The following TMTC1 variants were observed in gnomAD, a reference collection of about 807,000 sequenced individuals.
The protein encoded by TMTC1 is protein O-mannosyl-transferase TMTC1.
Under a neutral mutation model 104.8 loss-of-function variants are expected in TMTC1, and 73 were observed. That is an observed-to-expected ratio of 0.70 (90% confidence interval 0.58 to 0.85). The LOEUF (loss-of-function observed/expected upper bound fraction) is 0.85. Ranked by LOEUF, TMTC1 falls within the 40% of genes least tolerant of loss-of-function variation. The pLI is 0.00. For synonymous variants in TMTC1, 434 were observed against 428.7 expected, an observed-to-expected ratio of 1.01 and a Z score of -0.15; for missense variants, 1,035 against 1,096.1, an observed-to-expected ratio of 0.94 and a Z score of 0.79.
At chr12:29,715,001 T>C (rs1310455415) in intron 5 of TMTC1, among the ~76,000 whole-genome samples, 1 of 152,232 alleles carries the variant, frequency 6.6e-6, no homozygotes, top group East Asian at 1.9e-4. Context: ...ATAGTACTTT[T>C]TACCCATACT....
intron 5 of TMTC1, among the ~76,000 whole-genome samples, chr12:29,652,802 C>T (rs1162408842): frequency 6.6e-6 from 1 of 152,170 alleles, no homozygotes; most frequent in African/African-American, 2.4e-5. Flanking sequence ...TGGCTCACGC[C>T]TGAAATTCCA....
chr12:29,777,144 G>C (rs866113164), intron 1 of TMTC1, among the ~76,000 whole-genome samples: 2 of 152,124 alleles, frequency 1.3e-5, no homozygotes, highest in East Asian at 3.9e-4. Context: ...TGCCAGGCTG[G>C]AGTGCGGTGG....
At chr12:29,611,184 T>TTTTC (rs367993509) in intron 6 of TMTC1, among the ~76,000 whole-genome samples, 3 of 150,900 alleles carry the variant, frequency 2.0e-5, no homozygotes, top group Non-Finnish European at 4.4e-5. Context: ...CTTCTTTTTT[T>TTTTC]TTTTTTTTTT....
chr12:29,694,997 T>C (rs1941376418), intron 5 of TMTC1, among the ~76,000 whole-genome samples: 1 of 152,158 alleles, frequency 6.6e-6, no homozygotes, highest in South Asian at 2.1e-4. Context: ...TCTCAGATTT[T>C]TGGAGACCAG....
Position 29,751,861 on chromosome 12 carries a change from G to T in TMTC1, c.743C>A (p.Ala248Asp). 4 of 1,571,314 alleles carry T rather than the reference G, an allele frequency of 2.5e-6. No individual in the cohort carries two copies. Among genetic ancestry groups the T allele is most frequent in the Non-Finnish European group, 3.5e-6 (4 of 1,158,444 alleles). ...CTGCTGTGGGCTGCGTGGACAGAGG[G>T]CCCCATTGCTCCTGTTGTGCATGGA... ...SNKQDKSSNG[A>D]LCPRSPQQPG... Residue 248 changes from alanine to aspartate, a missense_variant, in exon 5 of 18, where the codon GCC becomes GAC. Coordinates refer to ENST00000539277, the MANE Select transcript of TMTC1 (RefSeq NM_001193451.2).
intron 8 of TMTC1, among the ~76,000 whole-genome samples, chr12:29,581,345 T>C (rs1037578503): frequency 6.6e-6 from 1 of 152,200 alleles, no homozygotes; most frequent in Non-Finnish European, 1.5e-5. Flanking sequence ...CATAGATAAA[T>C]GATAATAGGC....
At chr12:29,523,900 T>C (rs969687050) in intron 11 of TMTC1, among the ~76,000 whole-genome samples, 6 of 152,142 alleles carry the variant, frequency 3.9e-5, no homozygotes, top group Non-Finnish European at 8.8e-5. Flanking sequence ...TGCTGGGGCC[T>C]ATTGTATGAA....
intron 12 of TMTC1, among the ~76,000 whole-genome samples, chr12:29,518,911 G>C (rs11050265): frequency 0.09 from 13,743 of 152,056 alleles, 1,642 homozygotes; most frequent in African/African-American, 0.28. Flanking sequence ...CTTGCTAATA[G>C]GATGCCTTCA....
chr12:29,543,256 A>G (rs1358165813), intron 10 of TMTC1, among the ~76,000 whole-genome samples: 2 of 152,194 alleles, frequency 1.3e-5, no homozygotes, highest in African/African-American at 4.8e-5. Context: ...GCTCCATGTC[A>G]GTGACAGATA....
chr12:29,782,058 A>G (rs1943846485), intron 1 of TMTC1, among the ~76,000 whole-genome samples: 1 of 152,142 alleles, frequency 6.6e-6, no homozygotes, highest in African/African-American at 2.4e-5. Flanking sequence ...TTAACCAACA[A>G]CCCTGACTGT....
intron 5 of TMTC1, among the ~76,000 whole-genome samples, chr12:29,717,339 A>G (rs1460514556): frequency 6.6e-6 from 1 of 152,196 alleles, no homozygotes; most frequent in Non-Finnish European, 1.5e-5. Flanking sequence ...GCCCTGGACT[A>G]TAAGAAAGAG....
intron 7 of TMTC1, among the ~76,000 whole-genome samples, chr12:29,585,443 A>C (rs1234295663): frequency 1.3e-5 from 2 of 152,120 alleles, no homozygotes; most frequent in African/African-American, 2.4e-5. Context: ...TCTTTAGTTT[A>C]ATTAGAACCC....
At chr12:29,730,147 T>G (rs1376351006) in intron 5 of TMTC1, among the ~76,000 whole-genome samples, 2 of 152,192 alleles carry the variant, frequency 1.3e-5, no homozygotes, top group Non-Finnish European at 2.9e-5. Flanking sequence ...CATTTTCATT[T>G]AACAAACTCA....
chr12:29,751,865 C>T lies in TMTC1; in HGVS notation c.739G>A (p.Gly247Arg), dbSNP rs760851740. ...TGTGGGCTGCGTGGACAGAGGGCCC[C>T]ATTGCTCCTGTTGTGCATGGAATTG... ...LSNKQDKSSN[G>R]ALCPRSPQQP... The change falls in exon 5 of 18, where the codon GGG becomes AGG. Residue 247 changes from glycine (G) to arginine (R), a missense_variant. Gly to Arg is a moderately radical substitution (Grantham distance 125). Coordinates refer to ENST00000539277, the MANE Select transcript of TMTC1 (RefSeq NM_001193451.2). The T allele has an allele frequency of 6.4e-7, 1 of 1,567,250 alleles. No homozygotes were observed. Among genetic ancestry groups the T allele is most frequent in the Non-Finnish European group, 8.6e-7 (1 of 1,156,336 alleles).
intron 5 of TMTC1, among the ~76,000 whole-genome samples, chr12:29,694,247 G>C (rs1257127065): frequency 6.6e-6 from 1 of 152,078 alleles, no homozygotes; most frequent in Non-Finnish European, 1.5e-5. Flanking sequence ...TCAATGATTT[G>C]CATCATTAAC....
Position 29,568,926 on chromosome 12 carries a change from G to A in TMTC1, c.1532+3179C>T, listed in dbSNP as rs578057079. 217 of 456,018 alleles carry A rather than the reference G, an allele frequency of 4.8e-4. 2 individuals are homozygous for A. The Admixed American group carries it at 4.9e-3, about 10-fold the overall frequency. The allele number at this position is 456,018 out of a possible 1,614,324, so 28.2% of individuals were successfully genotyped here. A position where few individuals can be genotyped will look rare whatever the true frequency, so the allele number is the denominator to read the frequency against. Reference sequence around the variant, plus strand: ...AGTCGGAGAGCTCTGGAGGTCTATGGCAGATCTGTCAGTGTTTTTCTGAAT... The same window carrying A: ...AGTCGGAGAGCTCTGGAGGTCTATGACAGATCTGTCAGTGTTTTTCTGAAT... On this transcript the variant is annotated intron_variant, in intron 9 of 17. Transcript: ENST00000539277.
At position 29,732,266 on chromosome 12, in the gene TMTC1, C is replaced by G. The variant is rs1942563934; in HGVS notation, c.938+19400G>C. On this transcript the variant is annotated intron_variant, in intron 5 of 17. Coordinates refer to ENST00000539277, the MANE Select transcript of TMTC1 (RefSeq NM_001193451.2). ...GAGTACTCAAAGGACTGACTTTACA[C>G]AGGAAGAAGTTACTGAGTGAGTGGA... Among the ~76,000 whole-genome samples, 3 of 152,178 alleles carry G rather than the reference C, an allele frequency of 2.0e-5. No individual in the cohort carries two copies. The South Asian group carries it at 6.2e-4, about 32-fold the overall frequency.
At chr12:29,596,071 A>C (rs1946396473) in intron 7 of TMTC1, among the ~76,000 whole-genome samples, 2 of 151,764 alleles carry the variant, frequency 1.3e-5, no homozygotes, top group African/African-American at 4.8e-5. Context: ...CAGTGGCATC[A>C]TCTCAGCTCA....
At chr12:29,774,044 G>A (rs529992606) in intron 1 of TMTC1, among the ~76,000 whole-genome samples, 1 of 147,316 alleles carries the variant, frequency 6.8e-6, no homozygotes, top group Admixed American at 6.8e-5. Context: ...GTGTGTGTGT[G>A]CAGGTGGCAT....
Sources: gnomAD v4.1 joint callset for allele counts (sites outside exome capture counted in the v4.1 genomes callset) on GRCh38, gnomAD v4.1.1 for gene constraint, MANE v1.5 for transcripts, NCBI Gene and HGNC (gene_info 2026-07-23, HGNC 2026-07-21) for gene names.